Variants in LRP1-AS observed in about 807,000 individuals in gnomAD.
The protein encoded by LRP1-AS is LRP1 antisense RNA.
intron 1 of LRP1-AS, chr12:57,146,392 G>A (rs1219841726): frequency 6.6e-6 from 1 of 152,212 alleles, no homozygotes; most frequent in South Asian, 2.1e-4. Flanking sequence ...TGCATAATGG[G>A]TTTGAGCTTG....
chr12:57,145,848 C>T (rs149084623), intron 1 of LRP1-AS, among the ~76,000 whole-genome samples: 3 of 152,180 alleles, frequency 2.0e-5, no homozygotes, highest in South Asian at 2.1e-4. Context: ...AAAGAAGGAG[C>T]GGAAGCCTGA....
At chr12:57,146,454 A>G (rs1592608022) in intron 1 of LRP1-AS, 1 of 152,184 alleles carries the variant, frequency 6.6e-6, no homozygotes, top group East Asian at 1.9e-4. Context: ...AGGACAGCAC[A>G]CTTTGAAGTT....
At chr12:57,145,484 C>G (rs150607833) in intron 1 of LRP1-AS, 2 of 1,613,042 alleles carry the variant, frequency 1.2e-6, no homozygotes, top group Non-Finnish European at 1.7e-6. Flanking sequence ...CTCCCTCAGT[C>G]TGCACCGTGA....
At chr12:57,145,207 C>T (rs1196608725) in intron 1 of LRP1-AS, 6 of 1,613,966 alleles carry the variant, frequency 3.7e-6, no homozygotes, top group Non-Finnish European at 5.1e-6. Context: ...TGCACGGACT[C>T]TTCTCTTCCC....
chr12:57,146,191 C>G (rs921422892), intron 1 of LRP1-AS, among the ~76,000 whole-genome samples: 3 of 150,438 alleles, frequency 2.0e-5, no homozygotes, highest in Admixed American at 6.7e-5. Context: ...ACAGCCCTGC[C>G]CATCTCAGAG....
chr12:57,145,459 G>A, intron 1 of LRP1-AS: 6 of 1,614,036 alleles, frequency 3.7e-6, no homozygotes, highest in Non-Finnish European at 5.1e-6. Flanking sequence ...TCGTGGATGA[G>A]CACACCATCA....
At chr12:57,146,529 AAAAG>A (rs1165078453) in intron 1 of LRP1-AS, 1 of 152,236 alleles carries the variant, frequency 6.6e-6, no homozygotes, top group African/African-American at 2.4e-5. Flanking sequence ...TCTTGTGATG[AAAAG>A]AAAGATCCCA....
intron 1 of LRP1-AS, chr12:57,145,621 A>G: frequency 8.3e-7 from 1 of 1,205,664 alleles, no homozygotes; most frequent in African/African-American, 1.5e-5. Flanking sequence ...AGGAGGCTGG[A>G]TACAATGGTG....
At chr12:57,147,085 T>C (rs1370909704) in intron 1 of LRP1-AS, among the ~76,000 whole-genome samples, 1 of 151,770 alleles carries the variant, frequency 6.6e-6, no homozygotes, top group East Asian at 1.9e-4. Flanking sequence ...GGCAAACAGA[T>C]TTGCCTTGCC....
At chr12:57,145,499 C>T (rs755877311) in intron 1 of LRP1-AS, 12 of 1,611,230 alleles carry the variant, frequency 7.4e-6, no homozygotes, top group Non-Finnish European at 1.0e-5. Context: ...CCGTGAGTCA[C>T]CTGCTCTCAG....
chr12:57,147,157 A>G (rs2035427238), intron 1 of LRP1-AS, among the ~76,000 whole-genome samples: 1 of 151,902 alleles, frequency 6.6e-6, no homozygotes, highest in Admixed American at 6.6e-5. Context: ...AGAAGAGTCC[A>G]AGGGGAAATG....
chr12:57,145,502 G>C (rs1437434267), intron 1 of LRP1-AS: 2 of 1,610,738 alleles, frequency 1.2e-6, no homozygotes, highest in Non-Finnish European at 1.7e-6. Context: ...TGAGTCACCT[G>C]CTCTCAGCTT....
chr12:57,147,263 G>T (rs1231482489), intron 1 of LRP1-AS, among the ~76,000 whole-genome samples: 1 of 152,064 alleles, frequency 6.6e-6, no homozygotes, highest in Non-Finnish European at 1.5e-5. Flanking sequence ...TGAATGTCTG[G>T]CTGTCACCCT....
chr12:57,145,270 G>C, intron 1 of LRP1-AS: 2 of 1,614,136 alleles, frequency 1.2e-6, no homozygotes, highest in Non-Finnish European at 8.5e-7. Flanking sequence ...CCAACTCCCA[G>C]AACATCTTGG....
rs776335393 is a variant in LRP1-AS at position 57,145,357 on chromosome 12, C to T, written n.182-274G>A. 23 of 1,614,078 alleles carry T rather than the reference C, an allele frequency of 1.4e-5. No individual in the cohort carries two copies. In the South Asian group the frequency reaches 2.5e-4, roughly 18 times the overall value. On this transcript the variant is annotated intron_variant and non_coding_transcript_variant, in intron 1 of 1. Transcript: ENST00000555461. ...GGCAGACCACAGCCATGGACTTCAG[C>T]TATGCCAACGAGACCGTATGCTGGG...
chr12:57,146,894 A>C (rs2035420320), intron 1 of LRP1-AS, among the ~76,000 whole-genome samples: 1 of 149,664 alleles, frequency 6.7e-6, no homozygotes. Context: ...CCACTGACCT[A>C]CTCAACAGGC....
intron 1 of LRP1-AS, chr12:57,145,338 C>A: frequency 6.2e-7 from 1 of 1,614,172 alleles, no homozygotes; most frequent in Non-Finnish European, 8.5e-7. Flanking sequence ...ACGCGGCAGA[C>A]CACAGCCATG....
At chr12:57,145,145 A>G in intron 1 of LRP1-AS, 1 of 1,613,538 alleles carries the variant, frequency 6.2e-7, no homozygotes, top group African/African-American at 1.3e-5. Context: ...AAGCCCCCTC[A>G]ATGCTGTTCC....
At chr12:57,144,824 G>T (rs944819568) in exon 2 of LRP1-AS, 14 of 779,670 alleles carry the variant, frequency 1.8e-5, no homozygotes, top group Middle Eastern at 3.7e-4. Context: ...GGGTGTTAAG[G>T]TTTGCACATT....
Sources: allele counts gnomAD v4.1 joint callset (sites outside exome capture counted in the v4.1 genomes callset), GRCh38; gene constraint gnomAD v4.1.1; transcripts MANE v1.5; gene names NCBI Gene and HGNC (gene_info 2026-07-23, HGNC 2026-07-21).